Variants in AGBL4 observed in about 807,000 individuals in gnomAD.
AGBL4 encodes AGBL carboxypeptidase 4, also known as cytosolic carboxypeptidase 6.
A neutral mutation model predicts 66.4 loss-of-function variants in AGBL4; 58 were observed. The ratio of observed to expected loss-of-function variants is 0.87; its 90% CI spans 0.71 to 1.09. The LOEUF (loss-of-function observed/expected upper bound fraction) is 1.09. Among genes scored for constraint, AGBL4 ranks in the 50% least tolerant of loss-of-function variants. AGBL4 has a pLI of 0.00. For missense variants in AGBL4, 579 were observed against 631.0 expected (o/e 0.92, Z 0.88); for synonymous variants, 234 against 222.9 (o/e 1.05, Z -0.44).
At chr1:48,735,178 G>A (rs1648820666) in intron 6 of AGBL4, among the ~76,000 whole-genome samples, 1 of 152,194 alleles carries the variant, frequency 6.6e-6, no homozygotes, top group African/African-American at 2.4e-5. Flanking sequence ...ACAGTTAAGT[G>A]CCTAAAATAA....
chr1:49,618,940 A>C (rs1480087158), intron 3 of AGBL4, among the ~76,000 whole-genome samples: 1 of 152,228 alleles, frequency 6.6e-6, no homozygotes, highest in East Asian at 1.9e-4. Flanking sequence ...AAAAATTCTC[A>C]ATAAACTAGG....
At chr1:49,417,907 A>T (rs997957430) in intron 3 of AGBL4, among the ~76,000 whole-genome samples, 4 of 152,180 alleles carry the variant, frequency 2.6e-5, no homozygotes, top group African/African-American at 9.7e-5. Context: ...AATTTTCTAA[A>T]TGGATCCTCT....
At chr1:49,578,262 T>A (rs1436047464) in intron 3 of AGBL4, among the ~76,000 whole-genome samples, 1 of 152,192 alleles carries the variant, frequency 6.6e-6, no homozygotes, top group Non-Finnish European at 1.5e-5. Flanking sequence ...AGAGTATGCA[T>A]GGAATACAGG....
At chr1:49,902,487 G>A (rs774716961) in intron 1 of AGBL4, among the ~76,000 whole-genome samples, 16 of 152,150 alleles carry the variant, frequency 1.1e-4, no homozygotes, top group Non-Finnish European at 1.8e-4. Flanking sequence ...GGTGGCTCAC[G>A]CCTGTAATCT....
intron 3 of AGBL4, among the ~76,000 whole-genome samples, chr1:49,402,315 C>G (rs191809228): frequency 3.3e-5 from 5 of 152,214 alleles, no homozygotes; most frequent in Admixed American, 2.6e-4. Context: ...GCATGTATAG[C>G]TAAAAACTTT....
intron 2 of AGBL4, among the ~76,000 whole-genome samples, chr1:49,777,512 A>T (rs1644228309): frequency 6.6e-6 from 1 of 152,238 alleles, no homozygotes; most frequent in South Asian, 2.1e-4. Flanking sequence ...GTGGCATACA[A>T]CTAAAAAATA....
chr1:48,586,914 T>G, intron 11 of AGBL4, 90 bp downstream of exon 11: 5 of 1,537,074 alleles, frequency 3.3e-6, no homozygotes, highest in Non-Finnish European at 4.5e-6. Flanking sequence ...AGCCCTTACC[T>G]GAGCTGGGGG....
chr1:48,665,256 A>G (rs1646167951), intron 6 of AGBL4, among the ~76,000 whole-genome samples: 1 of 152,170 alleles, frequency 6.6e-6, no homozygotes. Flanking sequence ...CCTGCCCTGA[A>G]GTTTATTATT....
At chr1:49,225,215 CATTT>C (rs1217247673) in intron 4 of AGBL4, among the ~76,000 whole-genome samples, 2 of 152,184 alleles carry the variant, frequency 1.3e-5, no homozygotes, top group Non-Finnish European at 2.9e-5. Context: ...GTATTGAACT[CATTT>C]AAGTTTCTTT....
Position 48,672,502 on chromosome 1 carries a change from A to G in AGBL4, c.635-9261T>C, listed in dbSNP as rs1198101084. 7.2e-5 allele frequency among the ~76,000 whole-genome samples: 11 copies of G among 152,158 alleles called. No individual in the cohort carries two copies. The East Asian group carries it at 1.3e-3, about 19-fold the overall frequency. On this transcript the variant is annotated intron_variant, in intron 6 of 13. Transcript: ENST00000371839. ...AAGGAACATAAATTCAGCCCCTCCAATGGTTTTATTGTCACCTGAGGGTCT... is the reference window on the plus strand; with the variant it reads ...AAGGAACATAAATTCAGCCCCTCCAGTGGTTTTATTGTCACCTGAGGGTCT...
chr1:49,777,653 AAAACAGAAAATGGTCTT>A (rs1159405299), intron 2 of AGBL4, among the ~76,000 whole-genome samples: 1 of 152,176 alleles, frequency 6.6e-6, no homozygotes, highest in African/African-American at 2.4e-5. Context: ...AACAAAACAA[AAAACAGAAAATGGTCTT>A]GCACTAGCTA....
chr1:48,597,288 G>T (rs1645007858), intron 9 of AGBL4, among the ~76,000 whole-genome samples: 1 of 152,114 alleles, frequency 6.6e-6, no homozygotes, highest in South Asian at 2.1e-4. Context: ...TATGTTCCTG[G>T]TGCTATCATA....
At chr1:49,502,994 A>G (rs1465983200) in intron 3 of AGBL4, among the ~76,000 whole-genome samples, 2 of 152,138 alleles carry the variant, frequency 1.3e-5, no homozygotes, top group African/African-American at 4.8e-5. Context: ...ACAATGGGAA[A>G]AATGCTTCCA....
intron 3 of AGBL4, among the ~76,000 whole-genome samples, chr1:49,553,747 A>G (rs1262941015): frequency 1.3e-5 from 2 of 152,160 alleles, no homozygotes; most frequent in Admixed American, 1.3e-4. Context: ...TTGGGAAAAA[A>G]TTGTATTGTA....
chr1:49,680,049 C>CTTTTTTTT (rs61150148), intron 3 of AGBL4, among the ~76,000 whole-genome samples: 3 of 118,096 alleles, frequency 2.5e-5, no homozygotes, highest in African/African-American at 6.3e-5. Context: ...TTCTTCTTCC[C>CTTTTTTTT]TTTTTTTTTT....
chr1:48,922,769 A>G (rs1654197870), intron 5 of AGBL4, among the ~76,000 whole-genome samples: 1 of 152,166 alleles, frequency 6.6e-6, no homozygotes, highest in Non-Finnish European at 1.5e-5. Context: ...GAAATTTTTA[A>G]TAATCATTTC....
chr1:49,519,762 T>C (rs1650108872), intron 3 of AGBL4, among the ~76,000 whole-genome samples: 1 of 151,954 alleles, frequency 6.6e-6, no homozygotes, highest in South Asian at 2.1e-4. Flanking sequence ...CAAAAGAAAT[T>C]TACCAACTCA....
Position 49,391,560 on chromosome 1 carries a change from T to G in AGBL4, c.283-145696A>C, listed in dbSNP as rs575419908. Among the ~76,000 whole-genome samples the G allele has an allele frequency of 7.1e-3, 627 of 87,958 alleles. 5 individuals are homozygous for G. The highest frequency in any genetic ancestry group is 9.6e-3 in the Non-Finnish European group (496 of 51,768). 57.7% of individuals were successfully genotyped at this position (87,958 alleles called of 152,430 possible). On this transcript the variant is annotated intron_variant, in intron 3 of 13. Coordinates refer to ENST00000371839, the MANE Select transcript of AGBL4 (RefSeq NM_032785.4). Reference sequence around the variant, plus strand: ...CCAGGATAACCATGAGTTTTTTTTTTTTGTTTTTTTTTTTTTTTGGAGACG... The same window carrying G: ...CCAGGATAACCATGAGTTTTTTTTTGTTGTTTTTTTTTTTTTTTGGAGACG...
intron 1 of AGBL4, among the ~76,000 whole-genome samples, chr1:49,973,177 C>A (rs1265521015): frequency 6.6e-6 from 1 of 152,168 alleles, no homozygotes; most frequent in African/African-American, 2.4e-5. Flanking sequence ...AAGCCAAACA[C>A]AGGCTAGGTT....
Sources: allele counts gnomAD v4.1 joint callset (sites outside exome capture counted in the v4.1 genomes callset), GRCh38; gene constraint gnomAD v4.1.1; transcripts MANE v1.5; gene names NCBI Gene and HGNC (gene_info 2026-07-23, HGNC 2026-07-21).